The following RAD51B variants were observed in gnomAD, a reference collection of about 807,000 sequenced individuals.
RAD51B encodes the protein DNA repair protein RAD51 homolog 2.
RAD51B carries 38 observed loss-of-function variants against 42.2 expected under a neutral mutation model. That is an observed-to-expected ratio of 0.90 (90% CI 0.70 to 1.18). The LOEUF is 1.18. Ranked by LOEUF, RAD51B falls within the 50% of genes most tolerant of loss-of-function variation. RAD51B has a pLI of 0.00. For synonymous variants in RAD51B, 154 were observed against 145.2 expected (o/e 1.06, Z -0.43); for missense variants, 373 against 400.7 (o/e 0.93, Z 0.59).
chr14:67,914,675 A>G (rs757327257), intron 7 of RAD51B, among the ~76,000 whole-genome samples: 2 of 152,240 alleles, frequency 1.3e-5, no homozygotes, highest in Admixed American at 6.5e-5. Flanking sequence ...GCAATTATGC[A>G]TATACAGTTG....
chr14:68,542,438 T>A (rs1888017985), intron 10 of RAD51B, among the ~76,000 whole-genome samples: 1 of 152,218 alleles, frequency 6.6e-6, no homozygotes, highest in Non-Finnish European at 1.5e-5. Context: ...CTTGTCCATT[T>A]TGTGTGTGTT....
intron 10 of RAD51B, chr14:68,540,264 G>C: frequency 9.9e-7 from 1 of 1,009,128 alleles, no homozygotes; most frequent in Non-Finnish European, 1.2e-6. Context: ...CTTGCACCCT[G>C]TTCAAGGTTC....
At chr14:68,412,976 C>G (rs991091907) in intron 9 of RAD51B, among the ~76,000 whole-genome samples, 4 of 152,174 alleles carry the variant, frequency 2.6e-5, no homozygotes, top group African/African-American at 9.7e-5. Context: ...CTTGATCCCA[C>G]TCCTTGAAAA....
chr14:67,850,357 A>G (rs978573834), intron 4 of RAD51B, among the ~76,000 whole-genome samples: 1 of 151,826 alleles, frequency 6.6e-6, no homozygotes, highest in African/African-American at 2.4e-5. Context: ...CTTTTCTTGT[A>G]TTATTATTGT....
chr14:68,394,689 A>T (rs931023940), intron 8 of RAD51B, among the ~76,000 whole-genome samples: 2 of 152,164 alleles, frequency 1.3e-5, no homozygotes, highest in Admixed American at 1.3e-4. Context: ...TATCTACTTT[A>T]TCCCAGACAG....
intron 9 of RAD51B, among the ~76,000 whole-genome samples, chr14:68,459,082 G>T (rs994398977): frequency 1.3e-5 from 2 of 152,082 alleles, no homozygotes; most frequent in East Asian, 1.9e-4. Context: ...TCCAGCTCTC[G>T]CAACACAATG....
chr14:68,442,001 C>G (rs1420037896), intron 9 of RAD51B, among the ~76,000 whole-genome samples: 1 of 152,196 alleles, frequency 6.6e-6, no homozygotes, highest in African/African-American at 2.4e-5. Flanking sequence ...AATCCACTGG[C>G]AGAGCTTGTT....
chr14:68,647,513 C>T (rs116948703), intron 10 of RAD51B, among the ~76,000 whole-genome samples: 5 of 151,918 alleles, frequency 3.3e-5, no homozygotes, highest in Admixed American at 2.0e-4. Flanking sequence ...AATTTTAGAG[C>T]CTGTTAAGGT....
At chr14:68,594,400 A>G (rs1040964471) in intron 10 of RAD51B, 4 of 1,277,058 alleles carry the variant, frequency 3.1e-6, no homozygotes, top group African/African-American at 3.1e-5. Context: ...GTCTTCCTCA[A>G]CCATCCTCTT....
At chr14:68,029,683 A>C (rs543818252) in intron 7 of RAD51B, among the ~76,000 whole-genome samples, 4 of 152,148 alleles carry the variant, frequency 2.6e-5, no homozygotes, top group Non-Finnish European at 4.4e-5. Flanking sequence ...ACTCCTGTGC[A>C]TGTTGCTATT....
chr14:68,361,629 A>G (rs942794856), intron 8 of RAD51B, among the ~76,000 whole-genome samples: 10 of 152,014 alleles, frequency 6.6e-5, no homozygotes, highest in African/African-American at 1.9e-4. Flanking sequence ...TGCTTGTTTC[A>G]TGTATCTTAT....
At chr14:68,393,819 T>G (rs978182245) in intron 8 of RAD51B, among the ~76,000 whole-genome samples, 1 of 152,200 alleles carries the variant, frequency 6.6e-6, no homozygotes, top group Non-Finnish European at 1.5e-5. Context: ...GTGATGTTTT[T>G]GGGGCCCTGA....
chr14:68,571,598 C>G (rs569358171), intron 10 of RAD51B, among the ~76,000 whole-genome samples: 4 of 152,146 alleles, frequency 2.6e-5, no homozygotes, highest in Non-Finnish European at 5.9e-5. Flanking sequence ...CTTGTGATTA[C>G]GTTGGGCCAG....
chr14:68,339,143 G>T, intron 8 of RAD51B: 1 of 714,076 alleles, frequency 1.4e-6, no homozygotes, highest in East Asian at 2.6e-5. Context: ...GTCTCTTAGT[G>T]GGGATGTCCC....
intron 8 of RAD51B, among the ~76,000 whole-genome samples, chr14:68,351,556 G>A (rs1421851210): frequency 6.6e-6 from 1 of 152,152 alleles, no homozygotes; most frequent in African/African-American, 2.4e-5. Context: ...AAGGAGAGGG[G>A]TACATTGACT....
chr14:67,880,112 T>G (rs968526137), intron 5 of RAD51B, among the ~76,000 whole-genome samples: 1 of 152,190 alleles, frequency 6.6e-6, no homozygotes, highest in African/African-American at 2.4e-5. Flanking sequence ...ATAAAAAAAT[T>G]TCATTAGTAT....
chr14:68,499,975 T>C (rs1884806187), intron 10 of RAD51B, among the ~76,000 whole-genome samples: 1 of 152,174 alleles, frequency 6.6e-6, no homozygotes, highest in Non-Finnish European at 1.5e-5. Flanking sequence ...AGAGATGAAA[T>C]GACTGGAGAG....
chr14:67,994,131 T>A (rs2075343367), intron 7 of RAD51B, among the ~76,000 whole-genome samples: 1 of 152,130 alleles, frequency 6.6e-6, no homozygotes, highest in Non-Finnish European at 1.5e-5. Context: ...TTCTTCCTTT[T>A]CCTTTTTTGG....
chr14:68,234,776 T>C (rs1437116476), intron 7 of RAD51B, among the ~76,000 whole-genome samples: 1 of 152,260 alleles, frequency 6.6e-6, no homozygotes, highest in Non-Finnish European at 1.5e-5. Context: ...AGGATATTAC[T>C]GTACACTACT....
Sources: gnomAD v4.1 joint callset for allele counts (sites outside exome capture counted in the v4.1 genomes callset) on GRCh38, gnomAD v4.1.1 for gene constraint, MANE v1.5 for transcripts, NCBI Gene and HGNC (gene_info 2026-07-23, HGNC 2026-07-21) for gene names.